The following SLC19A1 variants were observed in gnomAD, a reference collection of about 807,000 sequenced individuals.
SLC19A1 encodes the protein solute carrier family 19 member 1.
A neutral mutation model predicts 35.3 loss-of-function variants in SLC19A1; 37 were observed. The ratio of observed to expected loss-of-function variants is 1.05; its 90% CI spans 0.81 to 1.38. The LOEUF (loss-of-function observed/expected upper bound fraction) is 1.38. SLC19A1 is among the 40% of genes most tolerant of loss of function. The probability of loss-of-function intolerance (pLI) is 0.00; values close to 1 mark genes in which losing one functional copy is unlikely to be tolerated. For synonymous variants in SLC19A1, 460 were observed against 398.5 expected, an observed-to-expected ratio of 1.15 and a Z score of -1.84; for missense variants, 831 against 826.9, an observed-to-expected ratio of 1.00 and a Z score of -0.06.
At position 45,534,636 on chromosome 21, in the gene SLC19A1, T is replaced by C; in HGVS notation, c.190-2488A>G. On this transcript the variant is annotated intron_variant, in intron 2 of 5. Coordinates refer to ENST00000311124, the MANE Select transcript of SLC19A1 (RefSeq NM_194255.4). The surrounding 1 kb of genome is among the most constrained non-coding windows in gnomAD (Gnocchi z 4.2). ...CACCTCCTGGTCTTAGTTGAGGGTC[T>C]GAGCGCAGAGCTCCCCCTTGGCAGC... 1 of 1,533,642 alleles carries C rather than the reference T, an allele frequency of 6.5e-7. No individual in the cohort carries two copies. The highest frequency in any genetic ancestry group is 8.7e-7 in the Non-Finnish European group (1 of 1,145,156).
downstream of SLC19A1, among the ~76,000 whole-genome samples, chr21:45,508,028 G>A (rs933688271): frequency 6.6e-6 from 1 of 152,022 alleles, no homozygotes; most frequent in Non-Finnish European, 1.5e-5. Context: ...TGGAGAGGTG[G>A]GTGAGTGGAT....
intron 4 of SLC19A1, among the ~76,000 whole-genome samples, chr21:45,526,381 C>A (rs2077621354): frequency 6.6e-6 from 1 of 152,242 alleles, no homozygotes; most frequent in Admixed American, 6.5e-5. Flanking sequence ...TAATACCTGA[C>A]AAACATTTGC....
intron 3 of SLC19A1, chr21:45,507,158 CCGGG>C (rs1415509922): frequency 4.4e-5 from 7 of 158,474 alleles, no homozygotes; most frequent in African/African-American, 2.6e-4. Flanking sequence ...GCTGGGAGGG[CCGGG>C]TGTTGGGGAG....
At chr21:45,518,714 G>A (rs974426756) in intron 5 of SLC19A1, among the ~76,000 whole-genome samples, 1 of 151,688 alleles carries the variant, frequency 6.6e-6, no homozygotes, top group Admixed American at 6.6e-5. Flanking sequence ...TTTCTCACAG[G>A]CTAAAAAAAA....
rs1395142698 is a variant in SLC19A1, at chr21:45,515,085, A to T, written c.*573T>A. The T allele has an allele frequency of 6.5e-7, 1 of 1,546,788 alleles. No homozygotes were observed. Among genetic ancestry groups the T allele is most frequent in the Non-Finnish European group, 8.7e-7 (1 of 1,145,708 alleles). ...AGAGCCGCTGCTCCCCTCTGATGAC[A>T]ATGTGTCTGCCGCCAACCTGAGATG... On this transcript the variant is annotated 3_prime_UTR_variant, in exon 6 of 6. Coordinates refer to ENST00000311124, the MANE Select transcript of SLC19A1 (RefSeq NM_194255.4).
upstream of SLC19A1, among the ~76,000 whole-genome samples, chr21:45,546,088 T>G (rs944635614): frequency 6.6e-6 from 1 of 152,202 alleles, no homozygotes; most frequent in Non-Finnish European, 1.5e-5. Context: ...GGGACTGACA[T>G]GGATGCCCCT....
At chr21:45,509,615 C>G (rs191291169), downstream of SLC19A1, 7,422 of 1,306,324 alleles carry the variant, frequency 5.7e-3, 50 homozygotes, top group Middle Eastern at 0.016. Context: ...AGTGCCCCCC[C>G]AAAGTGGGCT....
chr21:45,506,032 G>C, intron 3 of SLC19A1: 4 of 1,610,096 alleles, frequency 2.5e-6, no homozygotes, highest in East Asian at 2.2e-5. Flanking sequence ...GGGGCTTAAG[G>C]AAGGCGAGAG....
chr21:45,518,088 A>G (rs866431187), intron 5 of SLC19A1, among the ~76,000 whole-genome samples: 1 of 152,264 alleles, frequency 6.6e-6, no homozygotes, highest in Non-Finnish European at 1.5e-5. Context: ...AAAGATCTTA[A>G]AGCAGCCACC....
At chr21:45,529,691 T>C (rs546135793) in intron 4 of SLC19A1, among the ~76,000 whole-genome samples, 1 of 151,588 alleles carries the variant, frequency 6.6e-6, no homozygotes, top group African/African-American at 2.4e-5. Flanking sequence ...GAGCATGTGT[T>C]GTGTGTCCGT....
chr21:45,511,035 C>T (rs1164527162), downstream of SLC19A1: 4 of 350,970 alleles, frequency 1.1e-5, no homozygotes, highest in East Asian at 1.6e-4. Flanking sequence ...CCCACATCCA[C>T]ACACCCCCCC....
chr21:45,553,057 C>A (rs1342612385), intron 1 of SLC19A1, among the ~76,000 whole-genome samples: 1 of 152,132 alleles, frequency 6.6e-6, no homozygotes, highest in African/African-American at 2.4e-5. Flanking sequence ...TAAAACAAGA[C>A]TCCACCGGGC....
At chr21:45,525,676 G>A in intron 5 of SLC19A1, 141 bp downstream of exon 5, 1 of 863,444 alleles carries the variant, frequency 1.2e-6, no homozygotes, top group African/African-American at 1.7e-5. Context: ...CTGGCCTGGT[G>A]TGTCCCACTG....
At chr21:45,509,980 G>T, downstream of SLC19A1, 1 of 1,461,092 alleles carries the variant, frequency 6.8e-7, no homozygotes, top group South Asian at 1.2e-5. Flanking sequence ...GTCCACACAG[G>T]TGCGGGGCCG....
chr21:45,512,647 G>A lies in SLC19A1; in HGVS notation c.*3011C>T. 5.3e-6 allele frequency: 3 copies of A among 563,742 alleles called. No homozygotes were observed. The highest frequency in any genetic ancestry group is 9.5e-6 in the Non-Finnish European group (3 of 314,304). 34.9% of individuals were successfully genotyped at this position (563,742 alleles called of 1,614,324 possible). ...TCTCCCCTGACCTGTGAGCCCAGCT[G>A]GGTCAGGCAGGGTGCAGTATCATGC... On this transcript the variant is annotated 3_prime_UTR_variant, in exon 6 of 6. Transcript: ENST00000311124.
chr21:45,561,012 A>G (rs1034727364), intron 1 of SLC19A1, among the ~76,000 whole-genome samples: 3 of 152,190 alleles, frequency 2.0e-5, no homozygotes, highest in African/African-American at 7.2e-5. Flanking sequence ...CCAGCCACCC[A>G]TGTGCAAAGG....
intron 1 of SLC19A1, 43 bp from the exon 2 acceptor site, chr21:45,538,051 G>T: frequency 8.5e-7 from 1 of 1,178,916 alleles, no homozygotes; most frequent in Non-Finnish European, 1.1e-6. Context: ...AAGATGGTCT[G>T]CAGGCCTCCC....
chr21:45,508,449 G>T (rs1030472896), downstream of SLC19A1, among the ~76,000 whole-genome samples: 1 of 146,878 alleles, frequency 6.8e-6, no homozygotes, highest in South Asian at 2.3e-4. Flanking sequence ...GTAAGTGGGT[G>T]AGTGGATGGG....
At chr21:45,505,127 TC>T in intron 3 of SLC19A1, 1 of 1,607,742 alleles carries the variant, frequency 6.2e-7, no homozygotes, top group Non-Finnish European at 8.5e-7. Flanking sequence ...CTTGTCGCCG[TC>T]CGTAGGGTCC....
Sources: gnomAD v4.1 joint callset for allele counts (sites outside exome capture counted in the v4.1 genomes callset) on GRCh38, gnomAD v4.1.1 for gene constraint, Gnocchi (gnomAD v3.1) non-coding constraint, MANE v1.5 for transcripts, NCBI Gene and HGNC (gene_info 2026-07-23, HGNC 2026-07-21) for gene names.